Variants in RBM10 observed in about 807,000 individuals in gnomAD.
The protein encoded by RBM10 is RNA binding motif protein 10, also known as RNA-binding protein 10.
A neutral mutation model predicts 84.9 loss-of-function variants in RBM10; 1 was observed. The ratio of observed to expected loss-of-function variants is 0.01; its 90% CI spans 0.00 to 0.06. RBM10 has a LOEUF of 0.06. Ranked by LOEUF, RBM10 falls within the 10% of genes least tolerant of loss-of-function variation. The pLI is 1.00. For synonymous variants in RBM10, 326 were observed against 344.5 expected (o/e 0.95, Z 0.60); for missense variants, 438 against 839.0 (o/e 0.52, Z 5.90).
At chrX:47,168,010 C>T (rs782460282) in intron 2 of RBM10, among the ~76,000 whole-genome samples, 8 of 112,191 alleles carry the variant, frequency 7.1e-5, no homozygotes, top group Middle Eastern at 4.6e-3. Context: ...CTGTTGATAA[C>T]GGACATTCTA....
intron 4 of RBM10, among the ~76,000 whole-genome samples, chrX:47,172,605 C>G (rs782473416): frequency 8.4e-4 from 95 of 112,819 alleles, no homozygotes; most frequent in Middle Eastern, 4.6e-3. Context: ...TTGCTACAGT[C>G]ATGGTCTAGG....
At chrX:47,157,738 G>T (rs1933279879) in intron 2 of RBM10, 1 of 494,765 alleles carries the variant, frequency 2.0e-6, no homozygotes, top group South Asian at 2.9e-5. Context: ...ACGTCCAGGG[G>T]TCCCTGCTCC....
rs1556781937 is a variant in RBM10, at chrX:47,185,552, G to C, written c.2277G>C (p.Leu759=). ...AGAAGCTCACCGACTGGCAGAAGCTGGCCTGTCTGCTCTGCCGACGCCAGT... is the reference window on the plus strand; with the variant it reads ...AGAAGCTCACCGACTGGCAGAAGCTCGCCTGTCTGCTCTGCCGACGCCAGT... ...REEKLTDWQK[L]ACLLCRRQFP... Residue 759 remains leucine, a synonymous_variant, in exon 20 of 24, where the codon CTG becomes CTC. Coordinates refer to ENST00000377604, the MANE Select transcript of RBM10 (RefSeq NM_005676.5). The C allele has an allele frequency of 1.7e-6, 2 of 1,195,657 alleles. No homozygotes were observed. Among genetic ancestry groups the C allele is most frequent in the Non-Finnish European group, 2.3e-6 (2 of 887,177 alleles).
intron 2 of RBM10, among the ~76,000 whole-genome samples, chrX:47,162,762 T>C (rs1328320455): frequency 3.6e-5 from 4 of 109,941 alleles, no homozygotes; most frequent in African/African-American, 6.6e-5. Flanking sequence ...TAATCCCAGC[T>C]ACTTGGGAGG....
In RBM10 at chrX:47,185,035, ACCT is replaced by A. The variant is rs1569198945; in HGVS notation, c.1951-17_1951-15del. ...GGGTCATGAGGGTTCTGGGAACCTCACCTCCACCCTCACCCCCAGATTGCCAAG... is the reference window on the plus strand; with the variant it reads ...GGGTCATGAGGGTTCTGGGAACCTCACCACCCTCACCCCCAGATTGCCAAG... On this transcript the variant is annotated splice_polypyrimidine_tract_variant and intron_variant, in intron 17 of 23. Transcript: ENST00000377604. 1 of 1,200,003 alleles carries A rather than the reference ACCT, an allele frequency of 8.3e-7. No individual in the cohort carries two copies. The highest frequency in any genetic ancestry group is 1.8e-5 in the African/African-American group (1 of 56,422).
chrX:47,145,336 T>C lies in RBM10; in HGVS notation c.-275T>C. The C allele has an allele frequency of 1.2e-6, 1 of 854,358 alleles. No individual in the cohort carries two copies. The highest frequency in any genetic ancestry group is 1.7e-6 in the Non-Finnish European group (1 of 598,426). The allele number at this position is 854,358 out of a possible 1,213,427, so 70.4% of individuals were successfully genotyped here. A position where few individuals can be genotyped will look rare whatever the true frequency, so the allele number is the denominator to read the frequency against. On this transcript the variant is annotated 5_prime_UTR_variant, in exon 1 of 24. Transcript: ENST00000377604. ...GAGTTTCCCTGGGAGGGCAGCGCGC[T>C]TGGCGCTTCTCCCCTCCCCCCGATC...
rs200521605 is a variant in RBM10 at position 47,186,644 on chromosome X, G to T, written c.*45G>T. ...CTCCACATGTTGGGTGTCCATCCTGGGGCAGGGAAGGACAGAGTGTTGGAT... is the reference window on the plus strand; with the variant it reads ...CTCCACATGTTGGGTGTCCATCCTGTGGCAGGGAAGGACAGAGTGTTGGAT... On this transcript the variant is annotated 3_prime_UTR_variant, in exon 24 of 24. Coordinates refer to ENST00000377604, the MANE Select transcript of RBM10 (RefSeq NM_005676.5). The T allele has an allele frequency of 4.5e-4, 545 of 1,203,676 alleles. No homozygotes were observed. Among genetic ancestry groups the T allele is most frequent in the Non-Finnish European group, 3.5e-4 (313 of 890,276 alleles).
rs1277070831 is a variant in RBM10 at position 47,170,455 on chromosome X, G to T, written c.202-573G>T. On this transcript the variant is annotated intron_variant, in intron 3 of 23. Coordinates refer to ENST00000377604, the MANE Select transcript of RBM10 (RefSeq NM_005676.5). ...GCCCAACAGCCATACCGTTTTGAGC[G>T]TGGTGTGTGGTGGAGGACTGGCCAA... is the stretch of plus-strand genomic sequence containing the variant. Among the ~76,000 whole-genome samples the T allele has an allele frequency of 2.6e-5, 3 of 113,236 alleles. No individual in the cohort carries two copies. In the Admixed American group the frequency reaches 2.8e-4, roughly 10 times the overall value.
At chrX:47,179,597 T>G in intron 9 of RBM10, 102 bp downstream of exon 9, 1 of 946,935 alleles carries the variant, frequency 1.1e-6, no homozygotes, top group Non-Finnish European at 1.5e-6. Context: ...TCATGGAATC[T>G]CCACTTGGTG....
rs1357809294 is a variant in RBM10 at position 47,165,471 on chromosome X, C to T, written c.18-3844C>T. Among the ~76,000 whole-genome samples the T allele has an allele frequency of 9.8e-4, 93 of 95,381 alleles. 1 individual carries two copies. The highest frequency in any genetic ancestry group is 5.2e-4 in the South Asian group (1 of 1,918). 82.8% of individuals were successfully genotyped at this position (95,381 alleles called of 115,157 possible). The stretch of plus-strand genomic sequence containing the variant: ...CAGAGGTTACAGTGAGCCAAGATTG[C>T]GCCATTGGACTCCAGCCTGGGCAAC... On this transcript the variant is annotated intron_variant, in intron 2 of 23. Coordinates refer to ENST00000377604, the MANE Select transcript of RBM10 (RefSeq NM_005676.5).
chrX:47,174,645 T>C (rs782139368), intron 5 of RBM10, among the ~76,000 whole-genome samples: 1 of 110,906 alleles, frequency 9.0e-6, no homozygotes, highest in South Asian at 3.8e-4. Flanking sequence ...CCCTCCCTCC[T>C]TCTTTGGAGG....
chrX:47,147,055 A>C (rs1008410451), intron 1 of RBM10, among the ~76,000 whole-genome samples: 1 of 111,617 alleles, frequency 9.0e-6, no homozygotes, highest in Non-Finnish European at 1.9e-5. Flanking sequence ...TACCTGTCTT[A>C]GGTGGCAAAG....
intron 2 of RBM10, among the ~76,000 whole-genome samples, chrX:47,168,514 C>T (rs1934395390): frequency 9.1e-6 from 1 of 110,401 alleles, no homozygotes; most frequent in African/African-American, 3.3e-5. Flanking sequence ...TGCCACTGCC[C>T]TCCAGCCTGG....
chrX:47,186,449 G>A (rs1218178855), intron 23 of RBM10, 25 bp from the exon 24 acceptor site: 22 of 1,202,539 alleles, frequency 1.8e-5, no homozygotes, highest in Non-Finnish European at 2.4e-5. Context: ...CCACCAGCCT[G>A]ACAGAGCCTG....
At chrX:47,165,368 A>G (rs1246479517) in intron 2 of RBM10, among the ~76,000 whole-genome samples, 2 of 107,878 alleles carry the variant, frequency 1.9e-5, no homozygotes, top group African/African-American at 6.8e-5. Flanking sequence ...GTACAAAATT[A>G]GCCGGGAGTG....
chrX:47,152,884 T>C (rs868917695), intron 2 of RBM10, among the ~76,000 whole-genome samples: 1 of 109,604 alleles, frequency 9.1e-6, no homozygotes, highest in African/African-American at 3.3e-5. Context: ...TTCACTCTTG[T>C]TGCCCAGGCT....
intron 4 of RBM10, 61 bp downstream of exon 4, chrX:47,171,319 C>A: frequency 8.4e-7 from 1 of 1,186,405 alleles, no homozygotes; most frequent in Non-Finnish European, 1.1e-6. Context: ...GGGCCCTCAA[C>A]TTCTCCCCAC....
At chrX:47,173,889 A>ATCTCTC (rs537480494) in intron 5 of RBM10, among the ~76,000 whole-genome samples, 3,122 of 38,540 alleles carry the variant, frequency 0.081, 186 homozygotes, top group South Asian at 0.15. Flanking sequence ...CCACACCTCC[A>ATCTCTC]TCTCTCTCTC....
At chrX:47,162,671 C>A (rs184507601) in intron 2 of RBM10, among the ~76,000 whole-genome samples, 115 of 109,454 alleles carry the variant, frequency 1.1e-3, no homozygotes, top group African/African-American at 3.8e-3. Flanking sequence ...GTCAGGAGAT[C>A]GAGACCAGCC....
Sources: gnomAD v4.1 joint callset for allele counts (sites outside exome capture counted in the v4.1 genomes callset) on GRCh38, gnomAD v4.1.1 for gene constraint, MANE v1.5 for transcripts, NCBI Gene and HGNC (gene_info 2026-07-23, HGNC 2026-07-21) for gene names.